The following SHISAL1 variants were observed in gnomAD, a reference collection of about 807,000 sequenced individuals.
The protein encoded by SHISAL1 is shisa like 1, also known as protein shisa-like-1.
A neutral mutation model predicts 22.6 loss-of-function variants in SHISAL1; 9 were observed. That is an observed-to-expected ratio of 0.40 (90% CI 0.24 to 0.70). SHISAL1 has a LOEUF of 0.70. SHISAL1 is among the 30% of genes least tolerant of loss of function. The probability of loss-of-function intolerance (pLI) is 0.39; values close to 1 mark genes in which losing one functional copy is unlikely to be tolerated. For synonymous variants in SHISAL1, 119 were observed against 115.4 expected, an observed-to-expected ratio of 1.03 and a Z score of -0.20; for missense variants, 246 against 270.6, an observed-to-expected ratio of 0.91 and a Z score of 0.64.
intron 3 of SHISAL1, among the ~76,000 whole-genome samples, chr22:44,292,915 C>T (rs950491274): frequency 6.6e-6 from 1 of 152,248 alleles, no homozygotes; most frequent in African/African-American, 2.4e-5. Context: ...CACTCTAGGT[C>T]CTCTGGGGTC....
the SHISAL1 span, among the ~76,000 whole-genome samples, chr22:44,323,155 T>C: frequency 2.3e-5 from 3 of 128,462 alleles, no homozygotes; most frequent in East Asian, 2.9e-4. Flanking sequence ...ATCCACCCAT[T>C]CATCCATCCA....
chr22:44,259,352 C>T (rs961292575), intron 4 of SHISAL1, among the ~76,000 whole-genome samples: 5 of 152,002 alleles, frequency 3.3e-5, no homozygotes, highest in African/African-American at 1.2e-4. Flanking sequence ...GCAGGAGAAT[C>T]ACTTAAACCT....
chr22:44,325,059 G>A, the SHISAL1 span, among the ~76,000 whole-genome samples: 6 of 152,092 alleles, frequency 3.9e-5, no homozygotes, highest in African/African-American at 1.4e-4. Context: ...CCTGGCCAAC[G>A]TGGCGAAACC....
chr22:44,263,352 T>G lies in SHISAL1; in HGVS notation c.*-13667A>C, dbSNP rs535840517. On this transcript the variant is annotated intron_variant, in intron 4 of 4. Coordinates refer to ENST00000381176, the MANE Select transcript of SHISAL1 (RefSeq NM_001099294.2). ...TCCCAAAGTGCTGGGATTACAGGCG[T>G]GAGCCACTGCACCCGGCCGCCTTCA... 4.6e-5 allele frequency among the ~76,000 whole-genome samples: 7 copies of G among 152,252 alleles called. 1 individual carries two copies. The East Asian group carries it at 1.4e-3, about 30-fold the overall frequency.
At position 44,312,829 on chromosome 22, in the gene SHISAL1, G is replaced by A. The variant is rs999213914; in HGVS notation, c.-111C>T. 3 of 152,308 alleles carry A rather than the reference G, an allele frequency of 2.0e-5. No homozygotes were observed. Among genetic ancestry groups the A allele is most frequent in the African/African-American group, 2.4e-5 (1 of 41,454 alleles). 9.4% of individuals were successfully genotyped at this position (152,308 alleles called of 1,614,324 possible). A position where few individuals can be genotyped will look rare whatever the true frequency, so the allele number is the denominator to read the frequency against. ...CCCTGCAGCTGCTGGCCTCTTCCCC[G>A]GCTCCTGGTTGCCACCAACCTTAAA... On this transcript the variant is annotated 5_prime_UTR_variant, in exon 1 of 5. Transcript: ENST00000381176.
At chr22:44,292,978 C>T (rs112551181) in intron 3 of SHISAL1, among the ~76,000 whole-genome samples, 13 of 152,348 alleles carry the variant, frequency 8.5e-5, no homozygotes, top group South Asian at 2.1e-4. Context: ...CCTCCAGGGA[C>T]GCTTGATGGC....
chr22:44,271,958 G>T (rs2055208191), intron 4 of SHISAL1, among the ~76,000 whole-genome samples: 1 of 152,222 alleles, frequency 6.6e-6, no homozygotes, highest in African/African-American at 2.4e-5. Flanking sequence ...ACGCAAGCTG[G>T]CATCTTTGTT....
At chr22:44,259,699 C>T (rs568555357) in intron 4 of SHISAL1, among the ~76,000 whole-genome samples, 13 of 152,206 alleles carry the variant, frequency 8.5e-5, no homozygotes, top group African/African-American at 1.4e-4. Context: ...GAAGTATATG[C>T]GCCAGAATAG....
At chr22:44,312,587 C>T (rs2055527493) in intron 1 of SHISAL1, among the ~76,000 whole-genome samples, 164 bp downstream of exon 1, 2 of 152,188 alleles carry the variant, frequency 1.3e-5, no homozygotes, top group Admixed American at 1.3e-4. Context: ...GCCGTCACCC[C>T]GGCCCCTCCC....
chr22:44,316,717 C>T (rs189485594), upstream of SHISAL1, among the ~76,000 whole-genome samples: 14 of 152,320 alleles, frequency 9.2e-5, no homozygotes, highest in African/African-American at 2.2e-4. Flanking sequence ...CAGGCTCTCG[C>T]GCCACCCTTC....
chr22:44,245,927 C>CTAGAGCATT lies in SHISAL1; in HGVS notation c.*3749_*3757dup, dbSNP rs2054996653. The CTAGAGCATT allele has an allele frequency of 6.6e-6, 1 of 152,266 alleles. No homozygotes were observed. The highest frequency in any genetic ancestry group is 1.5e-5 in the Non-Finnish European group (1 of 68,058). The allele number at this position is 152,266 out of a possible 1,614,324, so 9.4% of individuals were successfully genotyped here. On this transcript the variant is annotated 3_prime_UTR_variant, in exon 5 of 5. Transcript: ENST00000381176. ...CTGTCAGCTGCCTACTTGCTGCTTT[C>CTAGAGCATT]TAGAGCATTGGAGACAGCAAGAGGG...
In SHISAL1 at chr22:44,243,716, T is replaced by TA. The variant is rs1342970332; in HGVS notation, c.*5968dup. The TA allele has an allele frequency of 6.6e-6, 1 of 152,206 alleles. No homozygotes were observed. The highest frequency in any genetic ancestry group is 6.5e-5 in the Admixed American group (1 of 15,284). 9.4% of individuals were successfully genotyped at this position (152,206 alleles called of 1,614,324 possible). ...TTATTAAAACCTAGGGACATTGTTATAAAAACTACTGTATATAAAGACAAA... is the reference window on the plus strand; with the variant it reads ...TTATTAAAACCTAGGGACATTGTTATAAAAAACTACTGTATATAAAGACAAA... On this transcript the variant is annotated 3_prime_UTR_variant, in exon 5 of 5. Transcript: ENST00000381176.
chr22:44,251,984 C>A (rs114417855), intron 4 of SHISAL1, among the ~76,000 whole-genome samples: 1 of 152,162 alleles, frequency 6.6e-6, no homozygotes, highest in Non-Finnish European at 1.5e-5. Context: ...AGAAGCATAA[C>A]AAATGCAATG....
At chr22:44,258,881 A>G (rs1288806516) in intron 4 of SHISAL1, among the ~76,000 whole-genome samples, 1 of 152,046 alleles carries the variant, frequency 6.6e-6, no homozygotes, top group Non-Finnish European at 1.5e-5. Flanking sequence ...GGGTGGATGG[A>G]GTAGGCGTGG....
intron 1 of SHISAL1, among the ~76,000 whole-genome samples, chr22:44,303,660 G>C (rs1289881528): frequency 3.3e-5 from 5 of 152,204 alleles, no homozygotes; most frequent in Non-Finnish European, 5.9e-5. Flanking sequence ...GGTTTGAGGA[G>C]CTTTGCTAGG....
chr22:44,254,845 G>A (rs2055073320), intron 4 of SHISAL1, among the ~76,000 whole-genome samples: 1 of 152,056 alleles, frequency 6.6e-6, no homozygotes, highest in Non-Finnish European at 1.5e-5. Flanking sequence ...TTGCTCTCCA[G>A]TTTCACTTCT....
chr22:44,301,172 A>G (rs1453352658), intron 1 of SHISAL1, among the ~76,000 whole-genome samples, 195 bp from the exon 2 acceptor site: 1 of 152,194 alleles, frequency 6.6e-6, no homozygotes, highest in Non-Finnish European at 1.5e-5. Context: ...CCCACAAGCC[A>G]ACTGTCACCT....
At chr22:44,323,440 T>TC in the SHISAL1 span, among the ~76,000 whole-genome samples, 2 of 92,474 alleles carry the variant, frequency 2.2e-5, no homozygotes, top group Admixed American at 2.0e-4. Context: ...CATCCATCCA[T>TC]CAACCATCCA....
chr22:44,305,173 T>C (rs555334326), intron 1 of SHISAL1, among the ~76,000 whole-genome samples: 1 of 152,364 alleles, frequency 6.6e-6, no homozygotes, highest in East Asian at 1.9e-4. Flanking sequence ...AGGCCTATAG[T>C]ATTCCATCTC....
Sources: allele counts gnomAD v4.1 joint callset (sites outside exome capture counted in the v4.1 genomes callset), GRCh38; gene constraint gnomAD v4.1.1; transcripts MANE v1.5; gene names NCBI Gene and HGNC (gene_info 2026-07-23, HGNC 2026-07-21).